LRTM3: variants seen among roughly 807,000 people sequenced by gnomAD.
The protein encoded by LRTM3 is leucine-rich repeat transmembrane protein 3.
chr13:102,750,743 T>C, the LRTM3 span, among the ~76,000 whole-genome samples: 2 of 152,170 alleles, frequency 1.3e-5, no homozygotes, highest in Non-Finnish European at 2.9e-5. Context: ...AAGAAAACAT[T>C]CTTATGGAAA....
At chr13:102,736,333 G>A in the LRTM3 span, 1 of 1,551,104 alleles carries the variant, frequency 6.4e-7, no homozygotes, top group South Asian at 1.2e-5. Flanking sequence ...CAGTGATGCT[G>A]AACACTTGTG....
At chr13:102,738,223 A>G in the LRTM3 span, 5 of 1,549,838 alleles carry the variant, frequency 3.2e-6, no homozygotes, top group East Asian at 7.4e-5. Context: ...TTTTTACTTC[A>G]TCGTCTTCTT....
the LRTM3 span, chr13:102,735,686 G>A: frequency 6.4e-7 from 1 of 1,551,122 alleles, no homozygotes; most frequent in Non-Finnish European, 8.7e-7. Flanking sequence ...GGGTTGCACT[G>A]GTCCTTTTGA....
chr13:102,734,825 A>G, the LRTM3 span: 1 of 1,551,120 alleles, frequency 6.4e-7, no homozygotes, highest in Non-Finnish European at 8.7e-7. Flanking sequence ...ACATTCCTGC[A>G]CCTTCTCTTC....
the LRTM3 span, among the ~76,000 whole-genome samples, chr13:102,753,789 T>C: frequency 6.6e-6 from 1 of 152,158 alleles, no homozygotes; most frequent in East Asian, 1.9e-4. Flanking sequence ...AAATTTTGCG[T>C]TGGATGATCA....
chr13:102,758,742 T>G, the LRTM3 span: 1 of 1,550,888 alleles, frequency 6.4e-7, no homozygotes, highest in East Asian at 2.4e-5. Context: ...AAGTGTGGGC[T>G]TCTTCCAAAA....
At chr13:102,739,970 G>T in the LRTM3 span, 1 of 1,550,380 alleles carries the variant, frequency 6.5e-7, no homozygotes. Context: ...CTTCCATTTC[G>T]AAGTTCTCCT....
At chr13:102,748,742 T>G in the LRTM3 span, 7 of 1,549,790 alleles carry the variant, frequency 4.5e-6, no homozygotes, top group African/African-American at 9.6e-5. Context: ...AAGAGATTCT[T>G]TACTCTTCCC....
the LRTM3 span, among the ~76,000 whole-genome samples, chr13:102,756,673 TAAA>T: frequency 5.0e-3 from 333 of 67,028 alleles, 5 homozygotes; most frequent in African/African-American, 0.017. Context: ...AAACTCTGTC[TAAA>T]AAAAAAAAAA....
the LRTM3 span, chr13:102,738,446 A>C: frequency 6.4e-7 from 1 of 1,550,836 alleles, no homozygotes; most frequent in East Asian, 2.4e-5. Context: ...GGCATTTGTC[A>C]GAAGCACACT....
chr13:102,738,281 C>A, the LRTM3 span: 1 of 1,550,864 alleles, frequency 6.4e-7, no homozygotes, highest in Non-Finnish European at 8.7e-7. Flanking sequence ...TGTGATATCA[C>A]CCTTACTGGC....
the LRTM3 span, chr13:102,748,510 A>C: frequency 6.4e-7 from 1 of 1,550,870 alleles, no homozygotes; most frequent in Non-Finnish European, 8.7e-7. Flanking sequence ...CTCCATTTGA[A>C]AGTTGAAGAT....
the LRTM3 span, chr13:102,740,206 T>C: frequency 6.5e-7 from 1 of 1,549,062 alleles, no homozygotes; most frequent in African/African-American, 1.4e-5. Context: ...CCCCATCTGA[T>C]GATTTCATTC....
chr13:102,736,116 T>C, the LRTM3 span: 14 of 1,541,498 alleles, frequency 9.1e-6, no homozygotes, highest in Non-Finnish European at 1.1e-5. Flanking sequence ...ATACCTTCAT[T>C]TGAATTTGCA....
At chr13:102,734,933 T>C in the LRTM3 span, 2 of 1,551,094 alleles carry the variant, frequency 1.3e-6, no homozygotes, top group African/African-American at 2.7e-5. Context: ...GATTAAAATA[T>C]CACCAGCAAT....
the LRTM3 span, chr13:102,737,862 G>A: frequency 6.5e-7 from 1 of 1,550,098 alleles, no homozygotes; most frequent in Non-Finnish European, 8.7e-7. Context: ...AATATATAAT[G>A]GGTTAGAGAA....
At chr13:102,735,096 A>G in the LRTM3 span, 1 of 1,551,252 alleles carries the variant, frequency 6.4e-7, no homozygotes, top group Non-Finnish European at 8.7e-7. Context: ...CTCTTAGACA[A>G]CATGACACCT....
chr13:102,757,887 A>T, the LRTM3 span, among the ~76,000 whole-genome samples: 1 of 152,238 alleles, frequency 6.6e-6, no homozygotes, highest in Non-Finnish European at 1.5e-5. Context: ...TATATTGTAG[A>T]TATCTAATAA....
At chr13:102,745,259 T>C in the LRTM3 span, 1 of 1,550,762 alleles carries the variant, frequency 6.4e-7, no homozygotes, top group Admixed American at 2.0e-5. Context: ...TTCTTGCTCT[T>C]CATCTTGAAG....
Sources: gnomAD v4.1 joint callset for allele counts (sites outside exome capture counted in the v4.1 genomes callset) on GRCh38, gnomAD v4.1.1 for gene constraint, MANE v1.5 for transcripts, NCBI Gene and HGNC (gene_info 2026-07-23, HGNC 2026-07-21) for gene names.